The following GNAQ variants were observed in gnomAD, a reference collection of about 807,000 sequenced individuals.
GNAQ encodes the protein G protein subunit alpha q.
GNAQ carries 8 observed loss-of-function variants against 43.9 expected under a neutral mutation model. The observed-to-expected ratio is 0.18, with a 90% CI of 0.11 to 0.33. GNAQ has a LOEUF of 0.33. Among genes scored for constraint, GNAQ ranks in the 10% least tolerant of loss-of-function variants. The pLI, the probability that GNAQ is intolerant of heterozygous loss-of-function variation, is 1.00. For missense variants in GNAQ, 158 were observed against 450.8 expected, an observed-to-expected ratio of 0.35 and a Z score of 5.88; for synonymous variants, 155 against 170.7, an observed-to-expected ratio of 0.91 and a Z score of 0.71.
At chr9:77,883,810 CTTACTCCAA>C (rs1398090124) in intron 2 of GNAQ, among the ~76,000 whole-genome samples, 1 of 152,204 alleles carries the variant, frequency 6.6e-6, no homozygotes, top group African/African-American at 2.4e-5. Context: ...GCTTCCTCCA[CTTACTCCAA>C]ATCCAAACTG....
At chr9:77,906,001 G>A (rs560677055) in intron 2 of GNAQ, among the ~76,000 whole-genome samples, 37 of 152,166 alleles carry the variant, frequency 2.4e-4, no homozygotes, top group Admixed American at 9.8e-4. Flanking sequence ...AAACCTAGAT[G>A]ACAGGTTGGT....
intron 3 of GNAQ, among the ~76,000 whole-genome samples, chr9:77,807,488 C>T (rs1246738929): frequency 6.6e-6 from 1 of 152,200 alleles, no homozygotes; most frequent in Non-Finnish European, 1.5e-5. Flanking sequence ...ACTCAATGAA[C>T]ATTTCTGGTC....
intron 2 of GNAQ, among the ~76,000 whole-genome samples, chr9:77,916,763 C>CA (rs750681420): frequency 5.4e-4 from 75 of 139,198 alleles, no homozygotes; most frequent in African/African-American, 9.0e-4. Flanking sequence ...AACTGGTTTA[C>CA]AAAAAAAAAA....
chr9:77,893,254 A>G (rs1828432706), intron 2 of GNAQ, among the ~76,000 whole-genome samples: 1 of 152,218 alleles, frequency 6.6e-6, no homozygotes. Flanking sequence ...TAAAGAAGCC[A>G]GCCAAAACCC....
At chr9:77,731,149 T>C (rs1168990533) in intron 5 of GNAQ, among the ~76,000 whole-genome samples, 1 of 152,156 alleles carries the variant, frequency 6.6e-6, no homozygotes, top group Non-Finnish European at 1.5e-5. Flanking sequence ...TAGAGCCTTT[T>C]CTGGCTGGAG....
At chr9:77,941,927 CA>C (rs1829320667) in intron 1 of GNAQ, among the ~76,000 whole-genome samples, 7 of 151,740 alleles carry the variant, frequency 4.6e-5, no homozygotes, top group African/African-American at 1.7e-4. Flanking sequence ...CACACACACA[CA>C]CACACACACA....
At chr9:77,782,448 C>A (rs1248037268) in intron 5 of GNAQ, among the ~76,000 whole-genome samples, 1 of 152,164 alleles carries the variant, frequency 6.6e-6, no homozygotes, top group African/African-American at 2.4e-5. Flanking sequence ...CAATGAAGTA[C>A]TACTACACAC....
At chr9:77,919,147 T>C (rs7024798) in intron 2 of GNAQ, among the ~76,000 whole-genome samples, 32,780 of 152,156 alleles carry the variant, frequency 0.22, 3,711 homozygotes, top group South Asian at 0.37. Context: ...CTCAAACTCC[T>C]GACCTCAGGC....
At chr9:77,983,214 C>T (rs1433279474) in intron 1 of GNAQ, among the ~76,000 whole-genome samples, 1 of 152,188 alleles carries the variant, frequency 6.6e-6, no homozygotes, top group Admixed American at 6.5e-5. Context: ...TGAACTCGTG[C>T]ATGGTGATAA....
chr9:77,788,206 G>C (rs1826514267), intron 5 of GNAQ, among the ~76,000 whole-genome samples: 1 of 152,252 alleles, frequency 6.6e-6, no homozygotes, highest in South Asian at 2.1e-4. Context: ...TAGGGGTTGG[G>C]GTGAGAGGGA....
chr9:78,024,886 T>C (rs1564182014), intron 1 of GNAQ, among the ~76,000 whole-genome samples: 1 of 152,188 alleles, frequency 6.6e-6, no homozygotes, highest in Non-Finnish European at 1.5e-5. Context: ...GACAAGTATA[T>C]GTTGAAAAAA....
intron 2 of GNAQ, among the ~76,000 whole-genome samples, chr9:77,824,150 G>A (rs1265723178): frequency 1.3e-5 from 2 of 152,162 alleles, no homozygotes; most frequent in Non-Finnish European, 2.9e-5. Context: ...GACATATTAT[G>A]TATTTAACTA....
At chr9:77,887,315 A>G (rs1353905316) in intron 2 of GNAQ, among the ~76,000 whole-genome samples, 1 of 152,226 alleles carries the variant, frequency 6.6e-6, no homozygotes, top group Non-Finnish European at 1.5e-5. Context: ...CATTTTCTAT[A>G]CTTCAGGGTG....
At chr9:77,938,357 A>C (rs1293950552) in intron 1 of GNAQ, among the ~76,000 whole-genome samples, 1 of 152,186 alleles carries the variant, frequency 6.6e-6, no homozygotes, top group Non-Finnish European at 1.5e-5. Flanking sequence ...CAGAGTTTGG[A>C]TCAGATCCAA....
At chr9:77,899,671 G>A (rs1376966046) in intron 2 of GNAQ, among the ~76,000 whole-genome samples, 11 of 152,144 alleles carry the variant, frequency 7.2e-5, no homozygotes, top group Admixed American at 7.2e-4. Context: ...TGCAAAGGCA[G>A]TGCAGGAGGA....
At chr9:77,808,967 G>T (rs182263671) in intron 3 of GNAQ, among the ~76,000 whole-genome samples, 9 of 152,258 alleles carry the variant, frequency 5.9e-5, no homozygotes, top group Admixed American at 5.9e-4. Context: ...ACAAGTATTT[G>T]ACTCATCAGT....
chr9:77,968,674 T>C (rs1167459361), intron 1 of GNAQ, among the ~76,000 whole-genome samples: 1 of 152,244 alleles, frequency 6.6e-6, no homozygotes, highest in East Asian at 1.9e-4. Context: ...GGCCATCAGA[T>C]GTAAATGGCC....
At chr9:77,732,855 G>A (rs918469559) in intron 5 of GNAQ, among the ~76,000 whole-genome samples, 1 of 152,184 alleles carries the variant, frequency 6.6e-6, no homozygotes, top group Non-Finnish European at 1.5e-5. Flanking sequence ...CTGGATCAGG[G>A]AGAGCAGGGA....
intron 2 of GNAQ, among the ~76,000 whole-genome samples, chr9:77,904,197 A>G (rs1440044752): frequency 6.6e-6 from 1 of 152,022 alleles, no homozygotes; most frequent in Non-Finnish European, 1.5e-5. Context: ...GCTCTCTTGT[A>G]CCACATTTTG....
Sources: gnomAD v4.1 joint callset for allele counts (sites outside exome capture counted in the v4.1 genomes callset) on GRCh38, gnomAD v4.1.1 for gene constraint, MANE v1.5 for transcripts, NCBI Gene and HGNC (gene_info 2026-07-23, HGNC 2026-07-21) for gene names.